GLG1: variants seen among roughly 807,000 people sequenced by gnomAD.
GLG1 encodes golgi glycoprotein 1.
In GLG1, 38 loss-of-function variants were observed where a neutral mutation model predicts 160.5. The ratio of observed to expected loss-of-function variants is 0.24; its 90% confidence interval spans 0.18 to 0.31. The LOEUF (loss-of-function observed/expected upper bound fraction) is 0.31, where lower values mean the gene tolerates loss of function less well. Among genes scored for constraint, GLG1 ranks in the 10% least tolerant of loss-of-function variants. The pLI is 1.00. For synonymous variants in GLG1, 644 were observed against 543.4 expected (o/e 1.19, Z -2.57); for missense variants, 1,373 against 1,505.2 (o/e 0.91, Z 1.45).
intron 2 of GLG1, among the ~76,000 whole-genome samples, chr16:74,511,756 T>C (rs1034499295): frequency 2.0e-5 from 3 of 152,106 alleles, no homozygotes; most frequent in Admixed American, 2.0e-4. Context: ...GAGCTAGAAA[T>C]AGATTTTCCG....
At chr16:74,456,617 T>G (rs1229071461) in intron 25 of GLG1, 32 bp downstream of exon 25, 6 of 1,413,982 alleles carry the variant, frequency 4.2e-6, no homozygotes, top group Non-Finnish European at 6.0e-6. Flanking sequence ...TTTTTTTGTT[T>G]TTTTAAAAAA....
intron 1 of GLG1, among the ~76,000 whole-genome samples, chr16:74,599,948 C>T (rs970770191): frequency 6.0e-5 from 9 of 150,336 alleles, no homozygotes; most frequent in African/African-American, 1.5e-4. Flanking sequence ...CCAGGAGAAT[C>T]GCTTGAATAC....
At chr16:74,469,748 C>A in intron 16 of GLG1, 1 of 524,936 alleles carries the variant, frequency 1.9e-6, no homozygotes, top group Non-Finnish European at 3.4e-6. Context: ...GATGGCCTGA[C>A]CTGGAAAAAT....
At chr16:74,524,425 A>G (rs2017272641) in intron 2 of GLG1, among the ~76,000 whole-genome samples, 1 of 152,204 alleles carries the variant, frequency 6.6e-6, no homozygotes, top group Non-Finnish European at 1.5e-5. Context: ...TATCAGATTA[A>G]ATAAATTCCC....
chr16:74,487,096 T>G (rs1199977308), intron 8 of GLG1, among the ~76,000 whole-genome samples: 1 of 152,032 alleles, frequency 6.6e-6, no homozygotes, highest in African/African-American at 2.4e-5. Flanking sequence ...GTATTTTTAG[T>G]GGGGATGAGG....
intron 1 of GLG1, among the ~76,000 whole-genome samples, chr16:74,583,351 T>C (rs1957978548): frequency 6.6e-6 from 1 of 152,120 alleles, no homozygotes; most frequent in African/African-American, 2.4e-5. Flanking sequence ...AATTACATAT[T>C]TTTGGAGGTA....
intron 1 of GLG1, among the ~76,000 whole-genome samples, chr16:74,548,412 C>T (rs1437808996): frequency 6.6e-6 from 1 of 152,204 alleles, no homozygotes; most frequent in African/African-American, 2.4e-5. Context: ...AAGTTTTCTT[C>T]TTAAGATAAC....
intron 12 of GLG1, among the ~76,000 whole-genome samples, chr16:74,475,694 C>T (rs2015370441): frequency 6.6e-6 from 1 of 152,136 alleles, no homozygotes; most frequent in Non-Finnish European, 1.5e-5. Context: ...TAGCAAAGTG[C>T]TCTGTTAAAG....
chr16:74,485,074 A>C (rs1260997056), intron 9 of GLG1, among the ~76,000 whole-genome samples: 1 of 152,156 alleles, frequency 6.6e-6, no homozygotes. Flanking sequence ...CCACCACGCC[A>C]GCTGATTTTA....
intron 2 of GLG1, among the ~76,000 whole-genome samples, chr16:74,529,851 C>T (rs1401894720): frequency 1.7e-5 from 2 of 115,254 alleles, no homozygotes; most frequent in African/African-American, 3.4e-5. Flanking sequence ...GAGTCTCACT[C>T]TGTCACCCAG....
chr16:74,455,607 T>C (rs2014507079), intron 25 of GLG1, among the ~76,000 whole-genome samples: 2 of 152,180 alleles, frequency 1.3e-5, no homozygotes, highest in Non-Finnish European at 2.9e-5. Context: ...ATGAAGACTT[T>C]CTCTGATTGT....
chr16:74,514,632 C>A (rs867719855), intron 2 of GLG1, among the ~76,000 whole-genome samples: 1 of 152,070 alleles, frequency 6.6e-6, no homozygotes, highest in African/African-American at 2.4e-5. Context: ...CAAGAACTCC[C>A]GAAGGAAGCA....
intron 1 of GLG1, among the ~76,000 whole-genome samples, chr16:74,533,394 A>C (rs866033314): frequency 1.3e-5 from 2 of 152,388 alleles, no homozygotes; most frequent in African/African-American, 4.8e-5. Flanking sequence ...GGTTTCACGT[A>C]GTATTACATA....
At chr16:74,455,673 G>A (rs909363333) in intron 25 of GLG1, among the ~76,000 whole-genome samples, 14 of 152,154 alleles carry the variant, frequency 9.2e-5, no homozygotes, top group African/African-American at 3.4e-4. Context: ...AATTGGCCAG[G>A]AAGGAGGGGT....
At chr16:74,456,453 C>T in intron 25 of GLG1, 196 bp downstream of exon 25, 1 of 548,508 alleles carries the variant, frequency 1.8e-6, no homozygotes, top group South Asian at 2.2e-5. Flanking sequence ...AGCCACCGCG[C>T]CCGGCCCTGA....
chr16:74,495,665 C>G (rs1034920262), intron 5 of GLG1, among the ~76,000 whole-genome samples: 10 of 152,078 alleles, frequency 6.6e-5, no homozygotes, highest in African/African-American at 2.4e-4. Flanking sequence ...TTCACCTTAG[C>G]CAAAAACACA....
intron 1 of GLG1, among the ~76,000 whole-genome samples, chr16:74,556,406 G>T (rs1174191258): frequency 6.6e-6 from 1 of 151,916 alleles, no homozygotes; most frequent in East Asian, 1.9e-4. Flanking sequence ...AAAATTTTTG[G>T]TTTTGTTTGG....
intron 1 of GLG1, among the ~76,000 whole-genome samples, chr16:74,540,455 T>C (rs542059897): frequency 6.6e-6 from 1 of 152,104 alleles, no homozygotes; most frequent in African/African-American, 2.4e-5. Flanking sequence ...GCCATCCCTT[T>C]AGGGAAACAT....
Position 74,492,994 on chromosome 16 carries a change from G to C in GLG1, c.1197C>G (p.Ser399=), listed in dbSNP as rs768080800. The change falls in exon 7 of 26, where the codon TCC becomes TCG. Residue 399 remains serine, a synonymous_variant. Coordinates refer to ENST00000422840, the MANE Select transcript of GLG1 (RefSeq NM_001145667.2). ...NLPRSREARL[S]YLLMCLESAV... Reference sequence around the variant, plus strand: ...CTGACTCCAGGCACATTAACAAGTAGGAGAGCCTGGCTTCACGCGATCGCG... The same window carrying C: ...CTGACTCCAGGCACATTAACAAGTACGAGAGCCTGGCTTCACGCGATCGCG... 8 of 1,613,420 alleles carry C rather than the reference G, an allele frequency of 5.0e-6. No homozygotes were observed. Among genetic ancestry groups the C allele is most frequent in the Non-Finnish European group, 6.8e-6 (8 of 1,179,630 alleles).
Sources: allele counts gnomAD v4.1 joint callset (sites outside exome capture counted in the v4.1 genomes callset), GRCh38; gene constraint gnomAD v4.1.1; transcripts MANE v1.5; gene names NCBI Gene and HGNC (gene_info 2026-07-23, HGNC 2026-07-21).